The following ZNF782 variants were observed in gnomAD, a reference collection of about 807,000 sequenced individuals.
The protein encoded by ZNF782 is zinc finger protein 782.
A neutral mutation model predicts 13.0 loss-of-function variants in ZNF782; 12 were observed. That is an observed-to-expected ratio of 0.92 (90% CI 0.59 to 1.50). The LOEUF (loss-of-function observed/expected upper bound fraction) is 1.50, where lower values mean the gene tolerates loss of function less well. Among genes scored for constraint, ZNF782 ranks in the 40% most tolerant of loss-of-function variants. The pLI, the probability that ZNF782 is intolerant of heterozygous loss-of-function variation, is 0.00. For synonymous variants in ZNF782, 284 were observed against 283.0 expected (o/e 1.00, Z -0.04); for missense variants, 770 against 822.9 (o/e 0.94, Z 0.79).
the ZNF782 span, among the ~76,000 whole-genome samples, chr9:96,911,510 G>GTTTTTTTTTTTTT: frequency 7.3e-5 from 8 of 109,690 alleles, 2 homozygotes; most frequent in East Asian, 1.3e-3. Flanking sequence ...TTTTTTTTTT[G>GTTTTTTTTTTTTT]TTTTTGTTTT....
At chr9:96,874,483 C>T (rs1396341347) in intron 1 of ZNF782, among the ~76,000 whole-genome samples, 3 of 152,218 alleles carry the variant, frequency 2.0e-5, no homozygotes, top group Non-Finnish European at 4.4e-5. Context: ...TACCCCTAGA[C>T]CTCCCCACAA....
the ZNF782 span, among the ~76,000 whole-genome samples, chr9:96,911,469 T>C: frequency 6.7e-6 from 1 of 148,700 alleles, no homozygotes; most frequent in Non-Finnish European, 1.5e-5. Context: ...AAAGATTGTT[T>C]TTCTGTTGTC....
At chr9:96,888,012 C>G in the ZNF782 span, 2 of 107,144 alleles carry the variant, frequency 1.9e-5, no homozygotes, top group Non-Finnish European at 3.4e-5. Flanking sequence ...ACACCAGGGC[C>G]TGTTGTGGGG....
At chr9:96,888,191 A>C in the ZNF782 span, 2 of 152,170 alleles carry the variant, frequency 1.3e-5, no homozygotes, top group Non-Finnish European at 2.9e-5. Flanking sequence ...AAAAAAAGAA[A>C]ATGAAAAGCA....
Position 96,819,245 on chromosome 9 carries a change from T to C in ZNF782, c.778A>G (p.Ile260Val), listed in dbSNP as rs1390351738. 1 of 1,611,754 alleles carries C rather than the reference T, an allele frequency of 6.2e-7. No individual in the cohort carries two copies. Among genetic ancestry groups the C allele is most frequent in the Non-Finnish European group, 8.5e-7 (1 of 1,179,436 alleles). Residue 260 changes from isoleucine (I) to valine (V), a missense_variant, in exon 6 of 6, where the codon ATT (isoleucine) becomes GTT (valine). Transcript: ENST00000481138. Reference sequence around the variant, plus strand: ...TTCTCTGGATTCATGTTCTGAGGAATAATAAAGGTTGATTTATCATATTTG... The same window carrying C: ...TTCTCTGGATTCATGTTCTGAGGAACAATAAAGGTTGATTTATCATATTTG... Reference protein sequence around the residue: ...ENKYDKSTFIIPQNMNPEKSH... With the variant: ...ENKYDKSTFIVPQNMNPEKSH...
chr9:96,823,307 G>A (rs1299586475), intron 5 of ZNF782, among the ~76,000 whole-genome samples: 1 of 152,212 alleles, frequency 6.6e-6, no homozygotes, highest in African/African-American at 2.4e-5. Context: ...TAGGAACTCA[G>A]TTGTGATCCA....
At chr9:96,932,538 G>T in the ZNF782 span, 24 of 1,304,936 alleles carry the variant, frequency 1.8e-5, no homozygotes, top group Admixed American at 2.5e-4. Context: ...GTGATGGGTT[G>T]TGCTATGGGA....
chr9:96,897,010 A>T, the ZNF782 span, among the ~76,000 whole-genome samples: 2 of 152,198 alleles, frequency 1.3e-5, no homozygotes, highest in Non-Finnish European at 2.9e-5. Flanking sequence ...TGAGCTTTCC[A>T]TCATACATTG....
At chr9:96,927,589 A>G in the ZNF782 span, among the ~76,000 whole-genome samples, 1 of 152,184 alleles carries the variant, frequency 6.6e-6, no homozygotes, top group East Asian at 1.9e-4. Flanking sequence ...GTTAACAATA[A>G]TTGCCTAATA....
At chr9:96,854,622 A>T (rs908780496), upstream of ZNF782, 1 of 152,258 alleles carries the variant, frequency 6.6e-6, no homozygotes, top group African/African-American at 2.4e-5. Context: ...TCCGCCTTCG[A>T]CGTGACTCCT....
intron 5 of ZNF782, among the ~76,000 whole-genome samples, chr9:96,824,009 A>G (rs1850515232): frequency 6.6e-6 from 1 of 152,216 alleles, no homozygotes; most frequent in Non-Finnish European, 1.5e-5. Context: ...TTCTGAAACT[A>G]TTCCAATCAA....
chr9:96,902,978 T>C, the ZNF782 span: 1 of 150,618 alleles, frequency 6.6e-6, no homozygotes, highest in Admixed American at 6.6e-5. Context: ...AATTTTTCTA[T>C]TTTTTGTAGA....
intron 4 of ZNF782, among the ~76,000 whole-genome samples, chr9:96,839,089 A>G (rs1284579290): frequency 6.6e-6 from 1 of 152,022 alleles, no homozygotes; most frequent in Non-Finnish European, 1.5e-5. Flanking sequence ...AAATCACCCC[A>G]TTAGAGAGCT....
At chr9:96,930,781 C>T in the ZNF782 span, among the ~76,000 whole-genome samples, 1 of 148,014 alleles carries the variant, frequency 6.8e-6, no homozygotes, top group Non-Finnish European at 1.5e-5. Context: ...GTGGGTGGTG[C>T]CAGGACAATC....
chr9:96,817,988 A>AC lies in ZNF782; in HGVS notation c.2034_2035insG (p.Cys679ValfsTer12), dbSNP rs747500907. On this transcript the variant is annotated frameshift_variant, in exon 6 of 6. Transcript: ENST00000481138. LOFTEE classifies it low-confidence loss of function (END_TRUNC). Reference sequence around the variant, plus strand: ...GATTTTTGACTGAAAGTTCTCCCACATTTATCACATTTATAGGGTTTCTCC... The same window carrying AC: ...GATTTTTGACTGAAAGTTCTCCCACACTTTATCACATTTATAGGGTTTCTCC... The AC allele has an allele frequency of 7.5e-6, 12 of 1,608,460 alleles. No individual in the cohort carries two copies. Among genetic ancestry groups the AC allele is most frequent in the South Asian group, 1.1e-5 (1 of 89,844 alleles).
chr9:96,924,876 C>T, the ZNF782 span, among the ~76,000 whole-genome samples: 1 of 152,202 alleles, frequency 6.6e-6, no homozygotes, highest in Non-Finnish European at 1.5e-5. Context: ...GAAAGGAGCG[C>T]GGCCTGGGCG....
At chr9:96,930,872 G>GTTTTTTTTTTT in the ZNF782 span, among the ~76,000 whole-genome samples, 46 of 72,724 alleles carry the variant, frequency 6.3e-4, 12 homozygotes, top group East Asian at 9.5e-4. Flanking sequence ...CCATCCAGTG[G>GTTTTTTTTTTT]TTTTTTTTTT....
the ZNF782 span, among the ~76,000 whole-genome samples, chr9:96,918,076 T>A: frequency 6.6e-6 from 1 of 150,978 alleles, no homozygotes; most frequent in African/African-American, 2.4e-5. Flanking sequence ...TTTAAAGTCA[T>A]TTTATGGGAG....
Position 96,819,390 on chromosome 9 carries a change from C to T in ZNF782, c.633G>A (p.Leu211=). 1 of 1,605,362 alleles carries T rather than the reference C, an allele frequency of 6.2e-7. No homozygotes were observed. Among genetic ancestry groups the T allele is most frequent in the Non-Finnish European group, 8.5e-7 (1 of 1,176,980 alleles). Reference sequence around the variant, plus strand: ...TTTCATTATATTCAAAATCTTGCCCCAGAGTCTGAATTGTCTGATGTTGAA... The same window carrying T: ...TTTCATTATATTCAAAATCTTGCCCTAGAGTCTGAATTGTCTGATGTTGAA... ...EVIQHQTIQT[L]GQDFEYNESR... Residue 211 remains leucine, a synonymous_variant, in exon 6 of 6, where the codon CTG becomes CTA. Transcript: ENST00000481138.
Sources: gnomAD v4.1 joint callset for allele counts (sites outside exome capture counted in the v4.1 genomes callset) on GRCh38, gnomAD v4.1.1 for gene constraint, MANE v1.5 for transcripts, NCBI Gene and HGNC (gene_info 2026-07-23, HGNC 2026-07-21) for gene names.